The following ARSB variants were observed in gnomAD, a reference collection of about 807,000 sequenced individuals.
The protein encoded by ARSB is arylsulfatase B.
Under a neutral mutation model 50.9 loss-of-function variants are expected in ARSB, and 41 were observed. The observed-to-expected ratio is 0.81, with a 90% CI of 0.63 to 1.04. The LOEUF is 1.04. Among genes scored for constraint, ARSB ranks in the 50% least tolerant of loss-of-function variants. The probability of loss-of-function intolerance (pLI) is 0.00; values close to 1 mark genes in which losing one functional copy is unlikely to be tolerated. For missense variants in ARSB, 672 were observed against 693.3 expected (o/e 0.97, Z 0.35); for synonymous variants, 269 against 284.8 (o/e 0.94, Z 0.56).
Position 78,981,241 on chromosome 5 carries a change from C to CTA in ARSB, c.312+3695_312+3696insTA, listed in dbSNP as rs1752891022. 6.4e-4 allele frequency among the ~76,000 whole-genome samples: 3 copies of CTA among 4,664 alleles called. 1 individual carries two copies. Among genetic ancestry groups the CTA allele is most frequent in the Admixed American group, 2.9e-3 (1 of 344 alleles). The allele number at this position is 4,664 out of a possible 152,430, so 3.1% of individuals were successfully genotyped here. A position where few individuals can be genotyped will look rare whatever the true frequency, so the allele number is the denominator to read the frequency against. On this transcript the variant is annotated intron_variant, in intron 1 of 7. Coordinates refer to ENST00000264914, the MANE Select transcript of ARSB (RefSeq NM_000046.5). Reference sequence around the variant, plus strand: ...CTGGGATTACAGGCGTGAGCCACCGCGCCCGGCCGAATTTCTAGTTCTTGA... The same window carrying CTA: ...CTGGGATTACAGGCGTGAGCCACCGCTAGCCCGGCCGAATTTCTAGTTCTTGA...
rs549575826 is a variant in ARSB, at chr5:78,834,295, A to T, written c.1213+5061T>A. ...AAACAACATAAAATTTACTATCCTA[A>T]CCACTTTTAATTGTATGGTCCAGTG... On this transcript the variant is annotated intron_variant, in intron 6 of 7. Coordinates refer to ENST00000264914, the MANE Select transcript of ARSB (RefSeq NM_000046.5). 1.2e-4 allele frequency among the ~76,000 whole-genome samples: 18 copies of T among 152,130 alleles called. No homozygotes were observed. The East Asian group carries it at 1.5e-3, about 13-fold the overall frequency.
intron 5 of ARSB, among the ~76,000 whole-genome samples, chr5:78,870,586 C>T (rs949310308): frequency 4.0e-5 from 6 of 150,892 alleles, no homozygotes; most frequent in African/African-American, 1.5e-4. Context: ...TCAATAGATG[C>T]AGAAAAAGCC....
intron 4 of ARSB, among the ~76,000 whole-genome samples, chr5:78,926,444 CT>C (rs895630967): frequency 4.5e-4 from 67 of 148,094 alleles, no homozygotes; most frequent in South Asian, 1.1e-3. Context: ...GCTTCCCCCA[CT>C]TTTTTTTTTT....
intron 5 of ARSB, among the ~76,000 whole-genome samples, chr5:78,861,829 G>A (rs1746451683): frequency 6.6e-6 from 1 of 152,176 alleles, no homozygotes; most frequent in East Asian, 1.9e-4. Context: ...AATTGTCCCT[G>A]TTTGCACATG....
At chr5:78,791,632 C>T (rs1025235572) in intron 6 of ARSB, among the ~76,000 whole-genome samples, 1 of 152,260 alleles carries the variant, frequency 6.6e-6, no homozygotes, top group East Asian at 1.9e-4. Context: ...GTCCCAACAA[C>T]TGCAGGCTTT....
chr5:78,828,610 CTTTCAACTGTTATCTGAT>C lies in ARSB; in HGVS notation c.1213+10728_1213+10745del, dbSNP rs570883650. 1.1e-3 allele frequency among the ~76,000 whole-genome samples: 174 copies of C among 152,310 alleles called. 3 individuals are homozygous for C. The East Asian group carries it at 0.024, about 21-fold the overall frequency. ...ACTTGTAACGTCTCTACCACCATAG[CTTTCAACTGTTATCTGAT>C]TTTCTTTTAACTTTTTGTATGTTCT... On this transcript the variant is annotated intron_variant, in intron 6 of 7. Transcript: ENST00000264914.
At chr5:78,961,758 C>T (rs547135836) in intron 3 of ARSB, among the ~76,000 whole-genome samples, 6 of 152,056 alleles carry the variant, frequency 3.9e-5, no homozygotes, top group African/African-American at 1.4e-4. Flanking sequence ...TAATAGGTAG[C>T]TGGCTTCTGC....
chr5:78,834,344 A>T (rs1323718889), intron 6 of ARSB, among the ~76,000 whole-genome samples: 1 of 151,708 alleles, frequency 6.6e-6, no homozygotes, highest in Non-Finnish European at 1.5e-5. Context: ...TCACGTTGTT[A>T]TGCTGTCATC....
At chr5:78,857,459 A>T (rs12187354) in intron 5 of ARSB, among the ~76,000 whole-genome samples, 19,042 of 152,254 alleles carry the variant, frequency 0.13, 1,409 homozygotes, top group Middle Eastern at 0.21. Flanking sequence ...TTTATTTGTG[A>T]AATAAAAATC....
At chr5:78,942,956 G>A (rs1310712924) in intron 4 of ARSB, among the ~76,000 whole-genome samples, 1 of 152,146 alleles carries the variant, frequency 6.6e-6, no homozygotes, top group African/African-American at 2.4e-5. Context: ...TTATGAATCT[G>A]GGTGCTCCTG....
chr5:78,841,168 C>CTACTACTAA lies in ARSB; in HGVS notation c.1143-1743_1143-1742insTTAGTAGTA, dbSNP rs368030435. Among the ~76,000 whole-genome samples, 739 of 132,008 alleles carry CTACTACTAA rather than the reference C, an allele frequency of 5.6e-3. 7 individuals carry two copies. The highest frequency in any genetic ancestry group is 0.036 in the South Asian group (134 of 3,766). 86.6% of individuals were successfully genotyped at this position (132,008 alleles called of 152,430 possible). On this transcript the variant is annotated intron_variant, in intron 5 of 7. Transcript: ENST00000264914. ...ACTACTACTACTACTACTACTACTA[C>CTACTACTAA]TAATAATAATAATAATTTGAGCATG...
At chr5:78,818,183 C>T (rs1243649748) in intron 6 of ARSB, among the ~76,000 whole-genome samples, 1 of 152,260 alleles carries the variant, frequency 6.6e-6, no homozygotes, top group Admixed American at 6.5e-5. Flanking sequence ...CTCTGATATA[C>T]AATTAAGATC....
chr5:78,955,153 C>T, intron 4 of ARSB, 142 bp downstream of exon 4: 1 of 802,072 alleles, frequency 1.2e-6, no homozygotes, highest in Non-Finnish European at 2.1e-6. Context: ...TCTTTCCATC[C>T]ACAATTACCA....
chr5:78,953,077 T>C (rs1751555966), intron 4 of ARSB, among the ~76,000 whole-genome samples: 1 of 152,244 alleles, frequency 6.6e-6, no homozygotes. Flanking sequence ...CTACCTTTTT[T>C]TTCTGAAGAG....
At chr5:78,937,962 C>G (rs1479203510) in intron 4 of ARSB, among the ~76,000 whole-genome samples, 2 of 152,142 alleles carry the variant, frequency 1.3e-5, no homozygotes, top group East Asian at 3.9e-4. Context: ...AATCAAATGT[C>G]CATATCTGCT....
intron 5 of ARSB, among the ~76,000 whole-genome samples, chr5:78,848,099 G>A (rs1169331251): frequency 6.7e-6 from 1 of 149,046 alleles, no homozygotes; most frequent in African/African-American, 2.5e-5. Flanking sequence ...TTAAGTTTTA[G>A]GGTACATGTG....
intron 5 of ARSB, chr5:78,884,438 T>C (rs969384956): frequency 2.0e-5 from 3 of 152,130 alleles, no homozygotes; most frequent in African/African-American, 7.2e-5. Context: ...CATGGCTTTT[T>C]GCTCCTAAAT....
chr5:78,961,720 G>C (rs749945351), intron 3 of ARSB, among the ~76,000 whole-genome samples: 1 of 152,092 alleles, frequency 6.6e-6, no homozygotes, highest in African/African-American at 2.4e-5. Context: ...TTGTTGCACA[G>C]ATTAAGGTAT....
Position 78,974,853 on chromosome 5 carries a change from A to G in ARSB, c.313-5661T>C, listed in dbSNP as rs966626180. ...ACACCTGGCTTTAGCAAACCCATGA[A>G]AGTCACCCCAGGGCTCTGCTGTGCT... On this transcript the variant is annotated intron_variant, in intron 1 of 7. Transcript: ENST00000264914. 2.0e-5 allele frequency among the ~76,000 whole-genome samples: 3 copies of G among 152,310 alleles called. No homozygotes were observed. The East Asian group carries it at 5.8e-4, about 29-fold the overall frequency.
Sources: allele counts gnomAD v4.1 joint callset (sites outside exome capture counted in the v4.1 genomes callset), GRCh38; gene constraint gnomAD v4.1.1; transcripts MANE v1.5; gene names NCBI Gene and HGNC (gene_info 2026-07-23, HGNC 2026-07-21).